Variants in RFK observed in about 807,000 individuals in gnomAD.
The protein encoded by RFK is 0610038L10Rik.
RFK carries 4 observed loss-of-function variants against 17.6 expected under a neutral mutation model. The ratio of observed to expected loss-of-function variants is 0.23; its 90% CI spans 0.11 to 0.52. RFK has a LOEUF of 0.52. Among genes scored for constraint, RFK ranks in the 20% least tolerant of loss-of-function variants. The pLI is 0.96. For synonymous variants in RFK, 59 were observed against 63.8 expected (o/e 0.92, Z 0.36); for missense variants, 189 against 187.7 (o/e 1.01, Z -0.04).
At chr9:76,392,679 G>T in intron 1 of RFK, 110 bp from the exon 2 acceptor site, 2 of 1,042,462 alleles carry the variant, frequency 1.9e-6, no homozygotes, top group South Asian at 1.5e-5. Context: ...GGCCAAGGCA[G>T]GAGGCTCATG....
In RFK at chr9:76,388,655, T is replaced by G; in HGVS notation, c.236A>C (p.Glu79Ala). 6.3e-7 allele frequency: 1 copy of G among 1,581,408 alleles called. No homozygotes were observed. Among genetic ancestry groups the G allele is most frequent in the Non-Finnish European group, 8.7e-7 (1 of 1,150,888 alleles). The part of the protein sequence containing the change: ...PYYKNTKKSM[E>A]THIMHTFKED... ...TTTGAAGGTATGCATGATATGTGTTTCCTATAGTCAAGAAATGTTACAAAG... is the reference window on the plus strand; with the variant it reads ...TTTGAAGGTATGCATGATATGTGTTGCCTATAGTCAAGAAATGTTACAAAG... Residue 79 changes from glutamate to alanine, a missense_variant and splice_region_variant, in exon 3 of 4, where the codon GAA becomes GCA. Around this residue, in one of 3 missense-constraint regions of RFK, gnomAD observed 95 missense variants for 95.7 expected, o/e 0.99. Transcript: ENST00000376736.
At chr9:76,387,589 T>G (rs1822755785) in intron 3 of RFK, 60 bp from the exon 4 acceptor site, 1 of 1,524,420 alleles carries the variant, frequency 6.6e-7, no homozygotes, top group Non-Finnish European at 8.9e-7. Flanking sequence ...TTTTTACTAC[T>G]ACTCTGTTTA....
rs1282126647 is a variant in RFK at position 76,394,147 on chromosome 9, G to C, written c.25C>G (p.Arg9Gly). Residue 9 changes from arginine to glycine, a missense_variant, in exon 1 of 4, where the codon CGG (arginine) becomes GGG (glycine). By Grantham distance (125) the Arg-to-Gly change is moderately radical. Around this residue, in one of 3 missense-constraint regions of RFK, gnomAD observed 90 missense variants for 75.4 expected, o/e 1.19. Transcript: ENST00000376736. MRHLPYFC[R>G]GQVVRGFGRG... ...CCGAAGCCCCGCACCACTTGACCCC[G>C]GCAGAAGTAAGGCAGGTGCCTCATA... is the stretch of plus-strand genomic sequence containing the variant. 6.2e-7 allele frequency: 1 copy of C among 1,609,082 alleles called. No individual in the cohort carries two copies. Among genetic ancestry groups the C allele is most frequent in the East Asian group, 2.2e-5 (1 of 44,730 alleles).
chr9:76,387,733 C>T (rs185016669), intron 3 of RFK: 322 of 450,276 alleles, frequency 7.2e-4, no homozygotes, highest in Non-Finnish European at 9.4e-4. Context: ...GGGGCAGTGG[C>T]TCATGCCTGT....
intron 2 of RFK, 44 bp downstream of exon 2, chr9:76,392,374 G>A (rs749791514): frequency 1.9e-6 from 3 of 1,593,556 alleles, no homozygotes; most frequent in East Asian, 2.2e-5. Context: ...ATTATTCTAA[G>A]TCATCATACC....
At chr9:76,390,137 T>C (rs1822798099) in intron 2 of RFK, among the ~76,000 whole-genome samples, 1 of 152,202 alleles carries the variant, frequency 6.6e-6, no homozygotes, top group African/African-American at 2.4e-5. Flanking sequence ...AAGCATGGTA[T>C]TTTCAATGAA....
At chr9:76,393,844 C>T (rs1379920699) in intron 1 of RFK, 8 of 507,852 alleles carry the variant, frequency 1.6e-5, no homozygotes, top group Non-Finnish European at 1.7e-5. Flanking sequence ...TGCGATTCAT[C>T]TCGGGCTTCC....
chr9:76,387,717 AG>A, intron 3 of RFK, 188 bp from the exon 4 acceptor site: 1 of 514,504 alleles, frequency 1.9e-6, no homozygotes, highest in Middle Eastern at 5.4e-4. Flanking sequence ...ATATGTCCCT[AG>A]GCCGGGGGCA....
rs2131553485 is a variant in RFK, at chr9:76,388,636, G to A, written c.255C>T (p.Thr85=). ...KKSMETHIMH[T]FKEDFYGEIL... ...TTTCCCCATAGAAGTCCTCTTTGAA[G>A]GTATGCATGATATGTGTTTCCTATA... The change falls in exon 3 of 4, where the codon ACC becomes ACT. Residue 85 remains threonine, a synonymous_variant. Transcript: ENST00000376736. 6.2e-7 allele frequency: 1 copy of A among 1,609,222 alleles called. No individual in the cohort carries two copies. The highest frequency in any genetic ancestry group is 2.2e-5 in the East Asian group (1 of 44,852).
At position 76,387,468 on chromosome 9, in the gene RFK, T is replaced by C; in HGVS notation, c.399A>G (p.Pro133=). 6 of 1,612,132 alleles carry C rather than the reference T, an allele frequency of 3.7e-6. No homozygotes were observed. Among genetic ancestry groups the C allele is most frequent in the Non-Finnish European group, 4.2e-6 (5 of 1,179,396 alleles). The change falls in exon 4 of 4, where the codon CCA becomes CCG. Residue 133 remains proline, a synonymous_variant. Coordinates refer to ENST00000376736, the MANE Select transcript of RFK (RefSeq NM_018339.6). ...IEEAKKRLEL[P]EHLKIKEDNF... is the part of the protein sequence containing the mutation. Reference sequence around the variant, plus strand: ...TGTCTTCTTTGATTTTCAAATGTTCTGGTAACTCTAGTCGTTTCTTAGCTT... The same window carrying C: ...TGTCTTCTTTGATTTTCAAATGTTCCGGTAACTCTAGTCGTTTCTTAGCTT...
chr9:76,387,859 T>C (rs2490579), intron 3 of RFK: 135,547 of 222,386 alleles, frequency 0.61, 42,720 homozygotes, highest in Non-Finnish European at 0.67. Context: ...ATTAGCGGGG[T>C]GTGATGGTGG....
At chr9:76,392,362 A>G in intron 2 of RFK, 56 bp downstream of exon 2, 3 of 1,565,134 alleles carry the variant, frequency 1.9e-6, no homozygotes, top group Non-Finnish European at 8.8e-7. Context: ...ATACTGTAAT[A>G]TATTATTCTA....
In RFK at chr9:76,387,797, C is replaced by T. The variant is rs190305071; in HGVS notation, c.338-268G>A. 18 of 287,466 alleles carry T rather than the reference C, an allele frequency of 6.3e-5. No individual in the cohort carries two copies. In the East Asian group the frequency reaches 1.0e-3, roughly 17 times the overall value. 17.8% of individuals were successfully genotyped at this position (287,466 alleles called of 1,614,324 possible). On this transcript the variant is annotated intron_variant, in intron 3 of 3. Coordinates refer to ENST00000376736, the MANE Select transcript of RFK (RefSeq NM_018339.6). ...GGCAGATCACCTGAAGTCCGGAGTTCGAGACCAGCCTGGCCAGCATGGTGA... is the reference window on the plus strand; with the variant it reads ...GGCAGATCACCTGAAGTCCGGAGTTTGAGACCAGCCTGGCCAGCATGGTGA...
Position 76,392,466 on chromosome 9 carries a change from C to T in RFK, c.186G>A (p.Val62=). 1 of 1,614,196 alleles carries T rather than the reference C, an allele frequency of 6.2e-7. No homozygotes were observed. The highest frequency in any genetic ancestry group is 1.1e-5 in the South Asian group (1 of 91,086). ...SVGSGDVHKM[V]VSIGWNPYYK... is the part of the protein sequence containing the mutation. ...AATATGGGTTCCATCCTATGCTCAC[C>T]ACCATCTTATGGACATCTCCACTTC... The change falls in exon 2 of 4, where the codon GTG becomes GTA. Residue 62 remains valine (V), a synonymous_variant. Transcript: ENST00000376736.
chr9:76,394,031 C>A, intron 1 of RFK, 59 bp downstream of exon 1: 2 of 1,502,560 alleles, frequency 1.3e-6, no homozygotes, highest in Non-Finnish European at 9.0e-7. Context: ...CCCCGGCTGC[C>A]GTCTCTCCCC....
Position 76,388,648 on chromosome 9 carries a change from A to G in RFK, c.243T>C (p.His81=), listed in dbSNP as rs771307255. ...YKNTKKSMET[H]IMHTFKEDFY... is the part of the protein sequence containing the mutation. Reference sequence around the variant, plus strand: ...AGTCCTCTTTGAAGGTATGCATGATATGTGTTTCCTATAGTCAAGAAATGT... The same window carrying G: ...AGTCCTCTTTGAAGGTATGCATGATGTGTGTTTCCTATAGTCAAGAAATGT... Residue 81 remains histidine, a synonymous_variant, in exon 3 of 4, where the codon CAT becomes CAC. Transcript: ENST00000376736. 6.3e-7 allele frequency: 1 copy of G among 1,599,526 alleles called. No homozygotes were observed. Among genetic ancestry groups the G allele is most frequent in the Non-Finnish European group, 8.6e-7 (1 of 1,166,888 alleles).
intron 2 of RFK, among the ~76,000 whole-genome samples, chr9:76,390,680 CAA>C (rs1168308237): frequency 1.7e-5 from 2 of 117,976 alleles, no homozygotes; most frequent in Non-Finnish European, 3.5e-5. Flanking sequence ...CAAAACAAAA[CAA>C]AACTCTGTTC....
rs1262118583 is a variant in RFK, at chr9:76,385,800, AT to A, written c.*1598del. On this transcript the variant is annotated 3_prime_UTR_variant, in exon 4 of 4. Coordinates refer to ENST00000376736, the MANE Select transcript of RFK (RefSeq NM_018339.6). Reference sequence around the variant, plus strand: ...AAACACAAATATTTTCACATTTCCTATGTTTGTTTTTAACTTTACTTCATAA... The same window carrying A: ...AAACACAAATATTTTCACATTTCCTAGTTTGTTTTTAACTTTACTTCATAA... 1 of 152,180 alleles carries A rather than the reference AT, an allele frequency of 6.6e-6. No homozygotes were observed. The highest frequency in any genetic ancestry group is 2.4e-5 in the African/African-American group (1 of 41,454). 9.4% of individuals were successfully genotyped at this position (152,180 alleles called of 1,614,324 possible).
rs1055415122 is a variant in RFK at position 76,386,106 on chromosome 9, C to A, written c.*1293G>T. Reference sequence around the variant, plus strand: ...TGCTTCTACCTCTATCCCCCCATCACCACCAAATCTGTTGCTACAGTGAAC... The same window carrying A: ...TGCTTCTACCTCTATCCCCCCATCAACACCAAATCTGTTGCTACAGTGAAC... On this transcript the variant is annotated 3_prime_UTR_variant, in exon 4 of 4. Transcript: ENST00000376736. The A allele has an allele frequency of 3.3e-5, 5 of 152,092 alleles. No individual in the cohort carries two copies. Among genetic ancestry groups the A allele is most frequent in the African/African-American group, 1.2e-4 (5 of 41,422 alleles). 9.4% of individuals were successfully genotyped at this position (152,092 alleles called of 1,614,324 possible).
Sources: allele counts gnomAD v4.1 joint callset (sites outside exome capture counted in the v4.1 genomes callset), GRCh38; gene constraint gnomAD v4.1.1; regional missense constraint gnomAD v4.1.1; transcripts MANE v1.5; gene names NCBI Gene and HGNC (gene_info 2026-07-23, HGNC 2026-07-21).